The following CYP2J2 variants were observed in gnomAD, a reference collection of about 807,000 sequenced individuals.
CYP2J2 encodes cytochrome P450 2J2.
Under a neutral mutation model 48.8 loss-of-function variants are expected in CYP2J2, and 41 were observed. The ratio of observed to expected loss-of-function variants is 0.84; its 90% CI spans 0.66 to 1.09. The LOEUF (loss-of-function observed/expected upper bound fraction) is 1.09, where lower values mean the gene tolerates loss of function less well. Ranked by LOEUF, CYP2J2 falls within the 50% of genes least tolerant of loss-of-function variation. The pLI, the probability that CYP2J2 is intolerant of heterozygous loss-of-function variation, is 0.00. For missense variants in CYP2J2, 644 were observed against 617.3 expected (o/e 1.04, Z -0.46); for synonymous variants, 221 against 227.1 (o/e 0.97, Z 0.24).
intron 1 of CYP2J2, among the ~76,000 whole-genome samples, chr1:59,922,996 G>A (rs1210678211): frequency 2.0e-5 from 3 of 152,210 alleles, no homozygotes; most frequent in Non-Finnish European, 4.4e-5. Context: ...CTATTCCTAA[G>A]CTGAAGTAAA....
chr1:59,915,802 C>T (rs1176859363), intron 2 of CYP2J2, 136 bp downstream of exon 2: 2 of 758,276 alleles, frequency 2.6e-6, no homozygotes, highest in East Asian at 5.3e-5. Flanking sequence ...GAATATCCAG[C>T]TTTCTTTAGT....
At chr1:59,917,573 G>A (rs1644477702) in intron 1 of CYP2J2, among the ~76,000 whole-genome samples, 1 of 152,208 alleles carries the variant, frequency 6.6e-6, no homozygotes, top group Non-Finnish European at 1.5e-5. Context: ...GAGTGACAGA[G>A]TTTAGTGGGA....
At chr1:59,926,852 G>T, upstream of CYP2J2, 2 of 1,059,104 alleles carry the variant, frequency 1.9e-6, no homozygotes, top group Non-Finnish European at 2.8e-6. Context: ...CTCCCAGCCC[G>T]CCCCTTCGCA....
intron 6 of CYP2J2, 140 bp downstream of exon 6, chr1:59,907,646 A>C (rs1644375923): frequency 2.6e-6 from 2 of 784,114 alleles, no homozygotes; most frequent in Non-Finnish European, 4.0e-6. Context: ...AAGAATGTGC[A>C]GTTTCCAAGT....
At chr1:59,943,732 T>C in the CYP2J2 span, among the ~76,000 whole-genome samples, 1 of 152,002 alleles carries the variant, frequency 6.6e-6, no homozygotes, top group Non-Finnish European at 1.5e-5. Context: ...AAGTCCGACA[T>C]CATCACCAAG....
At chr1:59,934,636 CAAATCACACTCATGATGAG>C in the CYP2J2 span, among the ~76,000 whole-genome samples, 1 of 151,976 alleles carries the variant, frequency 6.6e-6, no homozygotes, top group East Asian at 1.9e-4. Flanking sequence ...CAAGGAAATG[CAAATCACACTCATGATGAG>C]GTATCACCTC....
At chr1:59,924,376 G>C (rs1644544787) in intron 1 of CYP2J2, among the ~76,000 whole-genome samples, 1 of 151,946 alleles carries the variant, frequency 6.6e-6, no homozygotes, top group South Asian at 2.1e-4. Flanking sequence ...AAATGAAAAG[G>C]GTAAATAAAT....
At chr1:59,955,699 A>G in the CYP2J2 span, among the ~76,000 whole-genome samples, 1,386 of 152,308 alleles carry the variant, frequency 9.1e-3, 24 homozygotes, top group African/African-American at 0.032. Context: ...ATTCTGGGCT[A>G]GAACGCATAA....
Position 59,904,765 on chromosome 1 carries a change from T to C in CYP2J2, c.1191+106A>G, listed in dbSNP as rs79696909. 5.2e-5 allele frequency: 49 copies of C among 937,786 alleles called. No homozygotes were observed. The East Asian group carries it at 1.3e-3, about 24-fold the overall frequency. 58.1% of individuals were successfully genotyped at this position (937,786 alleles called of 1,614,324 possible). ...CTAGTATTATATCAGGTATAAGATA[T>C]CTTTTTCTTCCATTTAAATGATTCC... On this transcript the variant is annotated intron_variant, in intron 7 of 8. Coordinates refer to ENST00000371204, the MANE Select transcript of CYP2J2 (RefSeq NM_000775.4).
At chr1:59,948,953 C>A in the CYP2J2 span, among the ~76,000 whole-genome samples, 1 of 152,050 alleles carries the variant, frequency 6.6e-6, no homozygotes, top group Non-Finnish European at 1.5e-5. Context: ...ATGGCTTGAG[C>A]CTAGCAGTTA....
At chr1:59,907,575 AC>A (rs1644375513) in intron 6 of CYP2J2, among the ~76,000 whole-genome samples, 1 of 152,204 alleles carries the variant, frequency 6.6e-6, no homozygotes, top group East Asian at 1.9e-4. Context: ...CTTCTTGAGG[AC>A]AAGGATTCTC....
intron 5 of CYP2J2, among the ~76,000 whole-genome samples, chr1:59,908,966 G>A (rs547710030): frequency 2.0e-5 from 3 of 152,280 alleles, no homozygotes; most frequent in Non-Finnish European, 2.9e-5. Flanking sequence ...TGAGGGCTGC[G>A]AAAATGGTAG....
chr1:59,923,897 A>T (rs943597905), intron 1 of CYP2J2, among the ~76,000 whole-genome samples: 4 of 152,212 alleles, frequency 2.6e-5, no homozygotes, highest in Non-Finnish European at 5.9e-5. Flanking sequence ...ATATTTGAAG[A>T]AAGAGTGGCA....
At chr1:59,900,928 G>A in intron 8 of CYP2J2, 37 bp downstream of exon 8, 2 of 1,600,040 alleles carry the variant, frequency 1.2e-6, no homozygotes, top group East Asian at 2.2e-5. Flanking sequence ...TGGGAGAGGG[G>A]CCCTGGACTC....
rs1485183229 is a variant in CYP2J2 at position 59,926,625 on chromosome 1, T to C, written c.122A>G (p.Lys41Arg). ...AADFLKRRRP[K>R]NYPPGPWRLP... ...GCGCCAGGGCCCCGGCGGGTAGTTCTTTGGGCGCCGTCTTTTGAGAAAGTC... is the reference window on the plus strand; with the variant it reads ...GCGCCAGGGCCCCGGCGGGTAGTTCCTTGGGCGCCGTCTTTTGAGAAAGTC... Residue 41 changes from lysine (K) to arginine (R), a missense_variant, in exon 1 of 9, where the codon AAG (lysine) becomes AGG (arginine). Lys to Arg is a conservative substitution (Grantham distance 26). Transcript: ENST00000371204. 1.2e-6 allele frequency: 2 copies of C among 1,614,090 alleles called. No homozygotes were observed. The highest frequency in any genetic ancestry group is 2.2e-5 in the South Asian group (2 of 91,092).
the CYP2J2 span, among the ~76,000 whole-genome samples, chr1:59,958,364 T>A: frequency 1.3e-5 from 2 of 152,190 alleles, no homozygotes; most frequent in African/African-American, 4.8e-5. Flanking sequence ...TAACCTCTTG[T>A]CCAAAGGAGG....
intron 8 of CYP2J2, among the ~76,000 whole-genome samples, chr1:59,896,033 A>G (rs1644265752): frequency 6.6e-6 from 1 of 152,186 alleles, no homozygotes; most frequent in South Asian, 2.1e-4. Context: ...ATGCCCAATC[A>G]AGCTGATATT....
At chr1:59,953,116 C>CA in the CYP2J2 span, among the ~76,000 whole-genome samples, 1 of 152,128 alleles carries the variant, frequency 6.6e-6, no homozygotes, top group African/African-American at 2.4e-5. Context: ...ACACATGATG[C>CA]AAAAGGTCAT....
At chr1:59,962,835 CTA>C in the CYP2J2 span, among the ~76,000 whole-genome samples, 1 of 152,144 alleles carries the variant, frequency 6.6e-6, no homozygotes, top group Non-Finnish European at 1.5e-5. Context: ...TCTGGCTCTA[CTA>C]TAGAGTAAAC....
Sources: allele counts gnomAD v4.1 joint callset (sites outside exome capture counted in the v4.1 genomes callset), GRCh38; gene constraint gnomAD v4.1.1; transcripts MANE v1.5; gene names NCBI Gene and HGNC (gene_info 2026-07-23, HGNC 2026-07-21).